Variants in NKAIN2 observed in about 807,000 individuals in gnomAD.
NKAIN2 encodes sodium/potassium transporting ATPase interacting 2.
Under a neutral mutation model 32.6 loss-of-function variants are expected in NKAIN2, and 14 were observed. The observed-to-expected ratio is 0.43, with a 90% CI of 0.28 to 0.67. The LOEUF is 0.67. NKAIN2 is among the 30% of genes least tolerant of loss of function. NKAIN2 has a pLI of 0.17. For synonymous variants in NKAIN2, 80 were observed against 87.2 expected, an observed-to-expected ratio of 0.92 and a Z score of 0.46; for missense variants, 198 against 258.3, an observed-to-expected ratio of 0.77 and a Z score of 1.60.
intron 1 of NKAIN2, among the ~76,000 whole-genome samples, chr6:123,840,231 C>G (rs1413456804): frequency 1.3e-5 from 2 of 151,992 alleles, no homozygotes; most frequent in African/African-American, 4.8e-5. Context: ...TAGGCAAATT[C>G]TGTATTCTTC....
rs114911822 is a variant in NKAIN2, at chr6:124,371,713, G to T, written c.273+16366G>T. Among the ~76,000 whole-genome samples, 82 of 114,896 alleles carry T rather than the reference G, an allele frequency of 7.1e-4. 1 individual carries two copies. In the South Asian group the frequency reaches 0.023, roughly 33 times the overall value. 75.4% of individuals were successfully genotyped at this position (114,896 alleles called of 152,430 possible). ...TGTCTCAAAAAAAAAAAAAAAAAAA[G>T]AAAGAAAGGAAAAAAAAGAGTGTAA... On this transcript the variant is annotated intron_variant, in intron 3 of 6. Coordinates refer to ENST00000368417, the MANE Select transcript of NKAIN2 (RefSeq NM_001040214.3).
At chr6:123,972,449 C>T (rs188123812) in intron 1 of NKAIN2, among the ~76,000 whole-genome samples, 13 of 152,276 alleles carry the variant, frequency 8.5e-5, no homozygotes, top group Admixed American at 8.5e-4. Context: ...TCTTAATTTA[C>T]TGAGAAAACT....
chr6:124,328,685 A>G (rs1797522301), intron 2 of NKAIN2, among the ~76,000 whole-genome samples: 1 of 152,340 alleles, frequency 6.6e-6, no homozygotes, highest in South Asian at 2.1e-4. Context: ...ATATATGCCC[A>G]AAACTGAGCA....
intron 1 of NKAIN2, among the ~76,000 whole-genome samples, chr6:124,085,977 A>G (rs752366757): frequency 3.9e-5 from 6 of 152,020 alleles, no homozygotes; most frequent in African/African-American, 7.2e-5. Context: ...AAACAGTATC[A>G]GTATCCTTGC....
At chr6:124,594,773 G>T (rs766865374) in intron 3 of NKAIN2, among the ~76,000 whole-genome samples, 2 of 152,064 alleles carry the variant, frequency 1.3e-5, no homozygotes, top group Admixed American at 6.6e-5. Context: ...GGGGATCCAG[G>T]CATGGAGGAG....
chr6:124,138,641 T>TTATTATTAATAATTATGTTATATTAA, intron 1 of NKAIN2, among the ~76,000 whole-genome samples: 2 of 117,866 alleles, frequency 1.7e-5, no homozygotes, highest in African/African-American at 7.4e-5. Flanking sequence ...AATAGGATAA[T>TTATTATTAATAATTATGTTATATTAA]TATTATTAAT....
At chr6:124,637,920 A>G (rs1188826190) in intron 3 of NKAIN2, among the ~76,000 whole-genome samples, 1 of 152,128 alleles carries the variant, frequency 6.6e-6, no homozygotes, top group African/African-American at 2.4e-5. Context: ...TAATACTTGT[A>G]TGGAACCACA....
intron 3 of NKAIN2, among the ~76,000 whole-genome samples, chr6:124,443,762 C>T (rs1562188706): frequency 6.6e-6 from 1 of 152,088 alleles, no homozygotes; most frequent in Non-Finnish European, 1.5e-5. Context: ...TAAAGTATAT[C>T]CATTCCACTA....
At chr6:124,362,817 A>G (rs1027820132) in intron 3 of NKAIN2, among the ~76,000 whole-genome samples, 3 of 152,154 alleles carry the variant, frequency 2.0e-5, no homozygotes, top group Non-Finnish European at 2.9e-5. Context: ...AAAATGAATA[A>G]AAAAGGAAAA....
chr6:124,621,454 C>A (rs1783103717), intron 3 of NKAIN2, among the ~76,000 whole-genome samples: 1 of 152,170 alleles, frequency 6.6e-6, no homozygotes, highest in African/African-American at 2.4e-5. Context: ...TGCCTCCATT[C>A]TAAGACTAGG....
At chr6:124,303,640 C>T (rs2114982753) in intron 2 of NKAIN2, among the ~76,000 whole-genome samples, 1 of 152,330 alleles carries the variant, frequency 6.6e-6, no homozygotes, top group East Asian at 1.9e-4. Flanking sequence ...TTAATCAGAA[C>T]TCAACAAGGT....
chr6:123,806,991 G>A (rs909510145), intron 1 of NKAIN2, among the ~76,000 whole-genome samples: 2 of 152,016 alleles, frequency 1.3e-5, no homozygotes, highest in East Asian at 3.8e-4. Context: ...CATTTATTAA[G>A]TTATTATCAG....
intron 6 of NKAIN2, among the ~76,000 whole-genome samples, chr6:124,822,969 G>C (rs1781452492): frequency 6.6e-6 from 1 of 152,094 alleles, no homozygotes; most frequent in Non-Finnish European, 1.5e-5. Flanking sequence ...CAGCCTAATT[G>C]TACAGAAGTA....
intron 3 of NKAIN2, among the ~76,000 whole-genome samples, chr6:124,446,901 ATGG>A (rs1775915285): frequency 6.6e-6 from 1 of 152,094 alleles, no homozygotes; most frequent in Admixed American, 6.6e-5. Flanking sequence ...CATTATGATG[ATGG>A]TGGTGGGAGC....
At chr6:124,414,870 A>C (rs982859476) in intron 3 of NKAIN2, among the ~76,000 whole-genome samples, 3 of 152,144 alleles carry the variant, frequency 2.0e-5, no homozygotes, top group African/African-American at 7.2e-5. Context: ...TTAACTTGCT[A>C]ATTTTAAATT....
chr6:124,449,127 A>T (rs1583270588), intron 3 of NKAIN2, among the ~76,000 whole-genome samples: 1 of 152,176 alleles, frequency 6.6e-6, no homozygotes, highest in Admixed American at 6.6e-5. Context: ...TAAGATTCTC[A>T]TAGGAAGTCA....
intron 1 of NKAIN2, among the ~76,000 whole-genome samples, chr6:124,130,221 G>A (rs1270194540): frequency 6.6e-6 from 1 of 152,088 alleles, no homozygotes; most frequent in Middle Eastern, 3.2e-3. Context: ...CAAAGGGGGT[G>A]GTATTTTGGA....
intron 1 of NKAIN2, among the ~76,000 whole-genome samples, chr6:124,251,265 A>G (rs1436257382): frequency 2.0e-5 from 3 of 152,064 alleles, no homozygotes; most frequent in Non-Finnish European, 4.4e-5. Context: ...GTTAACTTAA[A>G]GTATAAGGAG....
intron 1 of NKAIN2, among the ~76,000 whole-genome samples, chr6:124,129,018 C>T (rs183283492): frequency 4.1e-4 from 62 of 152,258 alleles, no homozygotes; most frequent in African/African-American, 1.4e-3. Context: ...TAATAAGTCT[C>T]CAGGTGACAG....
Sources: allele counts gnomAD v4.1 joint callset (sites outside exome capture counted in the v4.1 genomes callset), GRCh38; gene constraint gnomAD v4.1.1; transcripts MANE v1.5; gene names NCBI Gene and HGNC (gene_info 2026-07-23, HGNC 2026-07-21).